ZNF530: variants seen among roughly 807,000 people sequenced by gnomAD.
ZNF530 encodes the protein zinc finger protein 530.
Under a neutral mutation model 2.8 loss-of-function variants are expected in ZNF530, and 5 were observed. The observed-to-expected ratio is 1.80, with a 90% CI of 0.94 to 3.78. ZNF530 has a LOEUF of 3.78. Among genes scored for constraint, ZNF530 ranks in the 30% most tolerant of loss-of-function variants. The pLI is 0.00. For synonymous variants in ZNF530, 229 were observed against 235.0 expected (o/e 0.97, Z 0.23); for missense variants, 619 against 673.3 (o/e 0.92, Z 0.89).
chr19:57,611,859 C>G (rs1357371296), downstream of ZNF530, among the ~76,000 whole-genome samples: 1 of 152,078 alleles, frequency 6.6e-6, no homozygotes, highest in Non-Finnish European at 1.5e-5. Context: ...CCTGGGGTCC[C>G]TCTCTCCTGC....
intron 3 of ZNF530, 127 bp downstream of exon 3, chr19:57,604,533 G>A (rs898755585): frequency 6.8e-6 from 9 of 1,317,836 alleles, no homozygotes; most frequent in Non-Finnish European, 9.4e-6. Context: ...CTTGGCATAT[G>A]TATTCTGAGG....
rs1980720327 is a variant in ZNF530, at chr19:57,608,581, A to T, written c.*1256A>T. 6.6e-6 allele frequency: 1 copy of T among 152,150 alleles called. No individual in the cohort carries two copies. The highest frequency in any genetic ancestry group is 1.5e-5 in the Non-Finnish European group (1 of 68,030). The allele number at this position is 152,150 out of a possible 1,614,324, so 9.4% of individuals were successfully genotyped here. A position where few individuals can be genotyped will look rare whatever the true frequency, so the allele number is the denominator to read the frequency against. On this transcript the variant is annotated 3_prime_UTR_variant, in exon 4 of 4. Transcript: ENST00000597700. ...AGACAACACAAAGTTTTTCTTGTTGAGTGAGGATATCACATAATGCCCTGC... is the reference window on the plus strand; with the variant it reads ...AGACAACACAAAGTTTTTCTTGTTGTGTGAGGATATCACATAATGCCCTGC...
rs1293727251 is a variant in ZNF530 at position 57,608,636 on chromosome 19, TG to T, written c.*1312del. 1 of 152,156 alleles carries T rather than the reference TG, an allele frequency of 6.6e-6. No individual in the cohort carries two copies. The highest frequency in any genetic ancestry group is 1.5e-5 in the Non-Finnish European group (1 of 68,034). 9.4% of individuals were successfully genotyped at this position (152,156 alleles called of 1,614,324 possible). On this transcript the variant is annotated 3_prime_UTR_variant, in exon 4 of 4. Coordinates refer to ENST00000597700, the MANE Select transcript of ZNF530 (RefSeq NM_001321981.2). Reference sequence around the variant, plus strand: ...TTTAGAATCCCTTAATGAGGTCCTGTGAAGGAGCTGTGTCCCTTGAAACACA... The same window carrying T: ...TTTAGAATCCCTTAATGAGGTCCTGTAAGGAGCTGTGTCCCTTGAAACACA...
chr19:57,607,430 C>T lies in ZNF530; in HGVS notation c.*105C>T, dbSNP rs939606232. The T allele has an allele frequency of 4.8e-5, 55 of 1,149,362 alleles. No individual in the cohort carries two copies. The highest frequency in any genetic ancestry group is 2.2e-4 in the Middle Eastern group (1 of 4,594). The allele number at this position is 1,149,362 out of a possible 1,614,324, so 71.2% of individuals were successfully genotyped here. On this transcript the variant is annotated 3_prime_UTR_variant, in exon 4 of 4. Coordinates refer to ENST00000597700, the MANE Select transcript of ZNF530 (RefSeq NM_001321981.2). ...TGCAATCTCAGCTCACTGCAACCTC[C>T]GCCTCCTGGGATCAAGTGATTCTCC... is the stretch of plus-strand genomic sequence containing the variant.
At chr19:57,604,010 T>C (rs1189752204) in intron 2 of ZNF530, among the ~76,000 whole-genome samples, 1 of 152,090 alleles carries the variant, frequency 6.6e-6, no homozygotes, top group Non-Finnish European at 1.5e-5. Flanking sequence ...CCTTCAGTTG[T>C]GTTTGGGAGC....
At chr19:57,611,516 A>G (rs961962346), downstream of ZNF530, among the ~76,000 whole-genome samples, 2 of 152,116 alleles carry the variant, frequency 1.3e-5, no homozygotes, top group African/African-American at 4.8e-5. Context: ...ACATATACTC[A>G]TTTGGGGTGA....
rs1176839719 is a variant in ZNF530, at chr19:57,605,716, C to T, written c.92C>T (p.Thr31Met). ...TGGTGTGGAGCAGTAGATGAGGGGACGCCTTCTGCAGAGAGCGTTTCTGTG... is the reference window on the plus strand; with the variant it reads ...TGGTGTGGAGCAGTAGATGAGGGGATGCCTTCTGCAGAGAGCGTTTCTGTG... ...GCWCGAVDEGTPSAESVSVEE... is the reference protein window; with the variant it reads ...GCWCGAVDEGMPSAESVSVEE... The change falls in exon 4 of 4, where the codon ACG becomes ATG. Residue 31 changes from threonine (T) to methionine (M), a missense_variant. Physicochemically the swap from Thr to Met is moderately conservative, Grantham distance 81. Transcript: ENST00000597700. 9 of 1,611,490 alleles carry T rather than the reference C, an allele frequency of 5.6e-6. No homozygotes were observed. The highest frequency in any genetic ancestry group is 3.3e-5 in the Admixed American group (2 of 59,802).
At chr19:57,605,560 C>G (rs1019568639) in intron 3 of ZNF530, 126 bp from the exon 4 acceptor site, 1 of 980,764 alleles carries the variant, frequency 1.0e-6, no homozygotes, top group Non-Finnish European at 1.5e-6. Flanking sequence ...GGCTTTTTTC[C>G]ACAAATTTCC....
intron 2 of ZNF530, among the ~76,000 whole-genome samples, chr19:57,603,852 G>A (rs1980365376): frequency 6.6e-6 from 1 of 152,196 alleles, no homozygotes; most frequent in African/African-American, 2.4e-5. Flanking sequence ...AGATGCCTGT[G>A]TTGTGGGATC....
chr19:57,612,026 CT>C (rs937001992), downstream of ZNF530, among the ~76,000 whole-genome samples: 1 of 152,202 alleles, frequency 6.6e-6, no homozygotes, highest in African/African-American at 2.4e-5. Flanking sequence ...TTGCTTCTTC[CT>C]TTAGACTGAA....
chr19:57,611,244 G>GT (rs374750986), downstream of ZNF530, among the ~76,000 whole-genome samples: 308 of 152,150 alleles, frequency 2.0e-3, no homozygotes, highest in Middle Eastern at 0.017. Context: ...ACCAAGGCAA[G>GT]TTTTTTTTAG....
At position 57,606,938 on chromosome 19, in the gene ZNF530, A is replaced by C. The variant is rs781011320; in HGVS notation, c.1314A>C (p.Ser438=). Residue 438 remains serine, a synonymous_variant, in exon 4 of 4, where the codon TCA becomes TCC. Coordinates refer to ENST00000597700, the MANE Select transcript of ZNF530 (RefSeq NM_001321981.2). ...ATGAGTGCAGTGAATGTGAAAAATC[A>C]TTTAGTTGCAAAACTGACCTCATTC... ...KPYECSECEK[S]FSCKTDLIRH... is the part of the protein sequence containing the mutation. 1.9e-6 allele frequency: 3 copies of C among 1,613,088 alleles called. No individual in the cohort carries two copies. The highest frequency in any genetic ancestry group is 2.7e-5 in the African/African-American group (2 of 74,638).
At chr19:57,605,211 T>C (rs1293764475) in intron 3 of ZNF530, 2 of 153,636 alleles carry the variant, frequency 1.3e-5, no homozygotes, top group Non-Finnish European at 2.9e-5. Flanking sequence ...CCTTAGCTGC[T>C]ACCAATTTCT....
intron 2 of ZNF530, among the ~76,000 whole-genome samples, chr19:57,603,743 A>G (rs541161509): frequency 1.3e-5 from 2 of 152,368 alleles, no homozygotes; most frequent in East Asian, 3.9e-4. Context: ...TGCCTGTGGC[A>G]GTAGGGACCA....
intron 3 of ZNF530, 28 bp downstream of exon 3, chr19:57,604,434 C>T (rs1276392356): frequency 6.2e-7 from 1 of 1,604,494 alleles, no homozygotes; most frequent in African/African-American, 1.3e-5. Context: ...CTCCCAGTTT[C>T]CTTTGTGGGT....
downstream of ZNF530, chr19:57,612,396 C>G (rs1451626085): frequency 2.5e-6 from 1 of 397,830 alleles, no homozygotes; most frequent in African/African-American, 2.1e-5. Context: ...AGTAGGTGTT[C>G]CTTGAATATT....
At chr19:57,611,340 A>C (rs1035561097), downstream of ZNF530, among the ~76,000 whole-genome samples, 2 of 152,212 alleles carry the variant, frequency 1.3e-5, no homozygotes, top group African/African-American at 4.8e-5. Flanking sequence ...GGATAACTTG[A>C]GAGGTCAAGT....
At position 57,609,694 on chromosome 19, in the gene ZNF530, A is replaced by G. The variant is rs1200293840; in HGVS notation, c.*2369A>G. Among the ~76,000 whole-genome samples, 1 of 152,202 alleles carries G rather than the reference A, an allele frequency of 6.6e-6. No homozygotes were observed. The highest frequency in any genetic ancestry group is 1.5e-5 in the Non-Finnish European group (1 of 68,020). On this transcript the variant is annotated 3_prime_UTR_variant, in exon 4 of 4. Transcript: ENST00000597700. ...ATGACTGCAAGATCACTGTGTGCAG[A>G]AATCTCTAGAAATGTGTGTCTTGTA...
intron 2 of ZNF530, among the ~76,000 whole-genome samples, chr19:57,602,749 G>A (rs779670287): frequency 6.6e-6 from 1 of 152,212 alleles, no homozygotes; most frequent in Non-Finnish European, 1.5e-5. Flanking sequence ...GGAAGAAAAA[G>A]AGGGTTAATG....
Sources: gnomAD v4.1 joint callset for allele counts (sites outside exome capture counted in the v4.1 genomes callset) on GRCh38, gnomAD v4.1.1 for gene constraint, MANE v1.5 for transcripts, NCBI Gene and HGNC (gene_info 2026-07-23, HGNC 2026-07-21) for gene names.